The following NF1 variants were observed in gnomAD, a reference collection of about 807,000 sequenced individuals.
The protein encoded by NF1 is neurofibromin.
Under a neutral mutation model 325.7 loss-of-function variants are expected in NF1, and 122 were observed. That is an observed-to-expected ratio of 0.37 (90% CI 0.32 to 0.44). The LOEUF (loss-of-function observed/expected upper bound fraction) is 0.44. NF1 is among the 20% of genes least tolerant of loss of function. The pLI is 1.00. For synonymous variants in NF1, 1,091 were observed against 1,186.0 expected (o/e 0.92, Z 1.65); for missense variants, 2,140 against 3,415.4 (o/e 0.63, Z 9.31).
intron 1 of NF1, among the ~76,000 whole-genome samples, chr17:31,124,491 T>G (rs1205564742): frequency 6.6e-6 from 1 of 151,292 alleles, no homozygotes; most frequent in Non-Finnish European, 1.5e-5. Context: ...ATTTCTGGTA[T>G]AGAGGAACAC....
At chr17:31,274,021 C>T (rs1263608922) in intron 36 of NF1, among the ~76,000 whole-genome samples, 2 of 152,062 alleles carry the variant, frequency 1.3e-5, no homozygotes, top group Non-Finnish European at 2.9e-5. Flanking sequence ...GCAGTTTCTA[C>T]CCATGGTTAT....
intron 12 of NF1, among the ~76,000 whole-genome samples, chr17:31,209,555 A>G (rs969803686): frequency 2.6e-5 from 4 of 152,204 alleles, no homozygotes; most frequent in African/African-American, 9.7e-5. Context: ...AGATATTTGA[A>G]TAAGGTTATT....
intron 57 of NF1, among the ~76,000 whole-genome samples, chr17:31,369,020 GT>G (rs2070584010): frequency 6.6e-6 from 1 of 152,160 alleles, no homozygotes; most frequent in Admixed American, 6.5e-5. Context: ...CATTTTTGTA[GT>G]ATAACTTCTC....
chr17:31,180,653 A>C (rs1480586373), intron 5 of NF1, among the ~76,000 whole-genome samples: 1 of 152,220 alleles, frequency 6.6e-6, no homozygotes, highest in Non-Finnish European at 1.5e-5. Context: ...TGAATGGGCA[A>C]AAACTGGAAG....
intron 52 of NF1, 70 bp downstream of exon 52, chr17:31,356,652 T>C (rs963222669): frequency 6.3e-6 from 10 of 1,589,250 alleles, no homozygotes; most frequent in Non-Finnish European, 8.6e-6. Context: ...CATGTTTATT[T>C]TCCAGCCATT....
chr17:31,103,172 G>GT (rs980011796), intron 1 of NF1, among the ~76,000 whole-genome samples: 3 of 151,844 alleles, frequency 2.0e-5, no homozygotes, highest in African/African-American at 4.8e-5. Flanking sequence ...AAATGTTCCT[G>GT]TTTTTTGCCC....
chr17:31,175,505 G>A (rs1408827344), intron 5 of NF1, among the ~76,000 whole-genome samples: 2 of 151,860 alleles, frequency 1.3e-5, no homozygotes, highest in Non-Finnish European at 2.9e-5. Flanking sequence ...GTGAGCCATC[G>A]GGCCTGGCCC....
intron 12 of NF1, among the ~76,000 whole-genome samples, chr17:31,211,542 A>G (rs2066728040): frequency 6.6e-6 from 1 of 152,202 alleles, no homozygotes. Flanking sequence ...CATTGTGCAA[A>G]CATCATAGAG....
chr17:31,140,015 A>G (rs1462300543), intron 1 of NF1, among the ~76,000 whole-genome samples: 3 of 152,186 alleles, frequency 2.0e-5, no homozygotes, highest in Non-Finnish European at 2.9e-5. Flanking sequence ...AGGCGGTGTA[A>G]CATACCAGTT....
chr17:31,183,867 A>C (rs945384190), intron 8 of NF1, among the ~76,000 whole-genome samples: 1 of 152,184 alleles, frequency 6.6e-6, no homozygotes, highest in African/African-American at 2.4e-5. Flanking sequence ...TCAGACTCCA[A>C]GTTCTTTAGT....
rs1257470053 is a variant in NF1, at chr17:31,265,356, T to G, written c.4835+17T>G. On this transcript the variant is annotated intron_variant, in intron 36 of 57. Transcript: ENST00000358273. ...TGCACGGAGGTAAGAAATACTATGT[T>G]TTGGGTCTCTTAACAGAATTTTTTA... 4 of 1,568,614 alleles carry G rather than the reference T, an allele frequency of 2.6e-6. No homozygotes were observed. Among genetic ancestry groups the G allele is most frequent in the Non-Finnish European group, 3.5e-6 (4 of 1,139,522 alleles).
chr17:31,311,143 G>T (rs2068865032), intron 36 of NF1, among the ~76,000 whole-genome samples: 2 of 151,784 alleles, frequency 1.3e-5, no homozygotes, highest in Admixed American at 6.6e-5. Flanking sequence ...TGTAGACATG[G>T]GGTTTCACCA....
chr17:31,299,789 C>T (rs1052016775), intron 36 of NF1, among the ~76,000 whole-genome samples: 1 of 152,036 alleles, frequency 6.6e-6, no homozygotes, highest in African/African-American at 2.4e-5. Flanking sequence ...TCTTTGCCCA[C>T]CTCCCTACTC....
intron 1 of NF1, among the ~76,000 whole-genome samples, chr17:31,130,910 C>T (rs1915327976): frequency 6.6e-6 from 1 of 152,142 alleles, no homozygotes; most frequent in South Asian, 2.1e-4. Context: ...CGTGCTTTTC[C>T]ACAGGGATCA....
chr17:31,263,059 G>GTAGATAGA (rs1478348552), intron 35 of NF1, among the ~76,000 whole-genome samples: 2 of 147,026 alleles, frequency 1.4e-5, no homozygotes, highest in African/African-American at 2.6e-5. Context: ...AGGTAGGTAG[G>GTAGATAGA]TAGGTAGGTA....
intron 30 of NF1, chr17:31,251,262 T>C (rs2067489138): frequency 4.8e-6 from 1 of 208,022 alleles, no homozygotes; most frequent in Non-Finnish European, 9.8e-6. Flanking sequence ...CCTGGAGGGA[T>C]AGTAGTCCCT....
At chr17:31,196,595 C>T (rs1413232382) in intron 8 of NF1, among the ~76,000 whole-genome samples, 2 of 150,894 alleles carry the variant, frequency 1.3e-5, no homozygotes, top group African/African-American at 4.9e-5. Flanking sequence ...GTATCATATA[C>T]AAGAAATCTT....
chr17:31,106,450 A>G (rs1055163094), intron 1 of NF1, among the ~76,000 whole-genome samples: 4 of 152,214 alleles, frequency 2.6e-5, no homozygotes, highest in Non-Finnish European at 5.9e-5. Flanking sequence ...TCACAATCAT[A>G]TGATTATATA....
chr17:31,187,888 A>G (rs1567829486), intron 8 of NF1, among the ~76,000 whole-genome samples: 1 of 152,286 alleles, frequency 6.6e-6, no homozygotes, highest in East Asian at 1.9e-4. Context: ...GGCTCCTCCT[A>G]CCTTTAAGTC....
Sources: gnomAD v4.1 joint callset for allele counts (sites outside exome capture counted in the v4.1 genomes callset) on GRCh38, gnomAD v4.1.1 for gene constraint, MANE v1.5 for transcripts, NCBI Gene and HGNC (gene_info 2026-07-23, HGNC 2026-07-21) for gene names.